The following ROBO2 variants were observed in gnomAD, a reference collection of about 807,000 sequenced individuals.
ROBO2 encodes roundabout homolog 2.
In ROBO2, 53 loss-of-function variants were observed where a neutral mutation model predicts 160.8. The observed-to-expected ratio is 0.33, with a 90% CI of 0.26 to 0.41. The LOEUF is 0.41. Among genes scored for constraint, ROBO2 ranks in the 10% least tolerant of loss-of-function variants. ROBO2 has a pLI of 1.00. For synonymous variants in ROBO2, 664 were observed against 611.7 expected, an observed-to-expected ratio of 1.09 and a Z score of -1.26; for missense variants, 1,577 against 1,722.4, an observed-to-expected ratio of 0.92 and a Z score of 1.49.
In ROBO2 at chr3:76,859,604, G is replaced by A. The variant is rs934381169; in HGVS notation, c.110-238410G>A. Among the ~76,000 whole-genome samples, 12 of 152,214 alleles carry A rather than the reference G, an allele frequency of 7.9e-5. No individual in the cohort carries two copies. The East Asian group carries it at 2.3e-3, about 29-fold the overall frequency. On this transcript the variant is annotated intron_variant, in intron 2 of 26. Coordinates refer to the ROBO2 transcript ENST00000487694. ...CTCTCCCATTACATTACATCTCTCA[G>A]GAGAGCCCCACCATCGGGGACCCTG...
intron 2 of ROBO2, among the ~76,000 whole-genome samples, chr3:76,557,373 C>T (rs2083859596): frequency 6.6e-6 from 1 of 151,756 alleles, no homozygotes; most frequent in Admixed American, 6.6e-5. Flanking sequence ...GAGTTATAAG[C>T]AATTAAATAT....
At chr3:76,331,232 A>T (rs998730200) in intron 2 of ROBO2, among the ~76,000 whole-genome samples, 1 of 152,206 alleles carries the variant, frequency 6.6e-6, no homozygotes. Context: ...AATACAAACA[A>T]TTGTATATTT....
At chr3:76,518,615 C>T (rs1396151189) in intron 2 of ROBO2, among the ~76,000 whole-genome samples, 2 of 152,082 alleles carry the variant, frequency 1.3e-5, no homozygotes, top group African/African-American at 4.8e-5. Context: ...GGTGGTTTTA[C>T]CTCTTTAAAT....
chr3:76,536,277 A>G (rs2108143231), intron 2 of ROBO2, among the ~76,000 whole-genome samples: 1 of 152,254 alleles, frequency 6.6e-6, no homozygotes. Context: ...TCTATTGTTG[A>G]ACACCTTGAA....
intron 2 of ROBO2, among the ~76,000 whole-genome samples, chr3:76,342,764 G>A (rs1362159289): frequency 3.3e-5 from 5 of 152,034 alleles, no homozygotes; most frequent in African/African-American, 7.2e-5. Flanking sequence ...AATATATCTG[G>A]TACATGTACA....
intron 2 of ROBO2, among the ~76,000 whole-genome samples, chr3:77,326,330 C>A (rs572036538): frequency 3.6e-4 from 55 of 152,272 alleles, no homozygotes; most frequent in African/African-American, 1.3e-3. Flanking sequence ...GAAGCTCTCA[C>A]AAAATATGCA....
At chr3:76,684,524 C>T (rs2092642824) in intron 2 of ROBO2, among the ~76,000 whole-genome samples, 1 of 151,938 alleles carries the variant, frequency 6.6e-6, no homozygotes, top group Admixed American at 6.6e-5. Context: ...ATAATTTGCC[C>T]ATTACTTAGT....
intron 2 of ROBO2, among the ~76,000 whole-genome samples, chr3:76,738,470 G>A (rs2093750580): frequency 6.6e-6 from 1 of 152,188 alleles, no homozygotes; most frequent in African/African-American, 2.4e-5. Flanking sequence ...CTAGATGTCA[G>A]TTGTAGCACA....
chr3:76,439,043 T>A (rs187960648), intron 2 of ROBO2, among the ~76,000 whole-genome samples: 1 of 152,230 alleles, frequency 6.6e-6, no homozygotes, highest in South Asian at 2.1e-4. Context: ...GGAGAAAGGA[T>A]AACTTTTTAA....
chr3:75,986,624 A>G (rs2065423262), intron 2 of ROBO2, among the ~76,000 whole-genome samples: 1 of 151,350 alleles, frequency 6.6e-6, no homozygotes, highest in Non-Finnish European at 1.5e-5. Flanking sequence ...TGCCAACTCT[A>G]ATGTTGTGAA....
At chr3:76,965,785 GTATATATATATATA>G (rs62885160) in intron 2 of ROBO2, among the ~76,000 whole-genome samples, 2 of 129,222 alleles carry the variant, frequency 1.5e-5, no homozygotes, top group Non-Finnish European at 1.6e-5. Context: ...TTGTGTTTGT[GTATATATATATATA>G]TATATATATA....
At chr3:76,527,308 T>G (rs2107994364) in intron 2 of ROBO2, among the ~76,000 whole-genome samples, 1 of 152,248 alleles carries the variant, frequency 6.6e-6, no homozygotes, top group South Asian at 2.1e-4. Flanking sequence ...TCACTAATTT[T>G]TTTAAAAAGT....
At chr3:76,997,651 G>A (rs1003709329) in intron 2 of ROBO2, among the ~76,000 whole-genome samples, 4 of 152,178 alleles carry the variant, frequency 2.6e-5, no homozygotes, top group African/African-American at 4.8e-5. Context: ...GATCAAGAGT[G>A]ACATGAGAGA....
chr3:77,150,500 T>C (rs994747797), intron 2 of ROBO2, among the ~76,000 whole-genome samples: 1 of 152,232 alleles, frequency 6.6e-6, no homozygotes. Context: ...CACAAACATA[T>C]GTTTTTAAGC....
At chr3:77,334,871 G>T (rs930316086) in intron 2 of ROBO2, among the ~76,000 whole-genome samples, 1 of 152,122 alleles carries the variant, frequency 6.6e-6, no homozygotes, top group Admixed American at 6.5e-5. Flanking sequence ...TGTATTCCCT[G>T]CATAGTAGGA....
intron 6 of ROBO2, among the ~76,000 whole-genome samples, chr3:77,540,026 G>C (rs1449170828): frequency 7.9e-5 from 12 of 152,194 alleles, no homozygotes; most frequent in Admixed American, 6.5e-4. Context: ...TCTTAGATCA[G>C]CTGATGGAAG....
intron 16 of ROBO2, among the ~76,000 whole-genome samples, chr3:77,586,237 C>T (rs1009477844): frequency 1.3e-5 from 2 of 152,066 alleles, no homozygotes; most frequent in African/African-American, 4.8e-5. Flanking sequence ...GATATATATC[C>T]ATTAAGCAGC....
intron 2 of ROBO2, among the ~76,000 whole-genome samples, chr3:76,417,037 T>G (rs564219277): frequency 3.3e-5 from 5 of 152,366 alleles, no homozygotes; most frequent in Admixed American, 3.3e-4. Context: ...GTGCTGGCTA[T>G]TCAGTTATCA....
At chr3:76,517,041 T>G (rs72902508) in intron 2 of ROBO2, among the ~76,000 whole-genome samples, 6,465 of 152,256 alleles carry the variant, frequency 0.042, 477 homozygotes, top group African/African-American at 0.15. Flanking sequence ...ATCTAGGTAG[T>G]TTTGAAAGAA....
Sources: allele counts gnomAD v4.1 joint callset (sites outside exome capture counted in the v4.1 genomes callset), GRCh38; gene constraint gnomAD v4.1.1; transcripts MANE v1.5; gene names NCBI Gene and HGNC (gene_info 2026-07-23, HGNC 2026-07-21).